The following MTMR14 variants were observed in gnomAD, a reference collection of about 807,000 sequenced individuals.
The protein encoded by MTMR14 is phosphatidylinositol-3,5-bisphosphate 3-phosphatase MTMR14.
In MTMR14, 48 loss-of-function variants were observed where a neutral mutation model predicts 86.3. That is an observed-to-expected ratio of 0.56 (90% CI 0.44 to 0.71). The LOEUF (loss-of-function observed/expected upper bound fraction) is 0.71. MTMR14 is among the 30% of genes least tolerant of loss of function. The pLI, the probability that MTMR14 is intolerant of heterozygous loss-of-function variation, is 0.00. For missense variants in MTMR14, 780 were observed against 834.6 expected (o/e 0.93, Z 0.81); for synonymous variants, 366 against 326.1 (o/e 1.12, Z -1.32).
intron 17 of MTMR14, among the ~76,000 whole-genome samples, chr3:9,690,667 T>C (rs993917421): frequency 4.6e-5 from 7 of 152,206 alleles, no homozygotes; most frequent in Admixed American, 1.3e-4. Flanking sequence ...GCTGCAGGAA[T>C]GGTGCCTCCT....
chr3:9,672,776 A>C lies in MTMR14; in HGVS notation c.751+18A>C. The C allele has an allele frequency of 6.2e-7, 1 of 1,612,622 alleles. No individual in the cohort carries two copies. ...GTATCCAGGTAGGGGGCTCTCTTCT[A>C]GTGGCAGGCATCCTAGGACTGGGGA... On this transcript the variant is annotated intron_variant, in intron 7 of 18. Transcript: ENST00000296003.
At chr3:9,674,802 A>C (rs561374511) in intron 7 of MTMR14, among the ~76,000 whole-genome samples, 1 of 151,694 alleles carries the variant, frequency 6.6e-6, no homozygotes, top group East Asian at 2.0e-4. Flanking sequence ...CTTTCCCCAA[A>C]GCTTTTTTTG....
intron 17 of MTMR14, among the ~76,000 whole-genome samples, chr3:9,693,954 TGCCTCCTGCATGTTA>T (rs1373182931): frequency 2.0e-5 from 3 of 152,232 alleles, no homozygotes; most frequent in Non-Finnish European, 4.4e-5. Context: ...TTGTTCCCAT[TGCCTCCTGCATGTTA>T]GCTTTGTTCT....
chr3:9,669,288 A>T (rs1490629621), intron 4 of MTMR14, 144 bp from the exon 5 acceptor site: 12 of 688,526 alleles, frequency 1.7e-5, no homozygotes, highest in Non-Finnish European at 2.9e-5. Context: ...TACCAGGCAT[A>T]TGGGGGCATA....
chr3:9,700,528 CT>C (rs141847997), intron 18 of MTMR14: 8,725 of 152,180 alleles, frequency 0.057, 340 homozygotes, highest in South Asian at 0.12. Flanking sequence ...CCCTTCTTGA[CT>C]TGTAATTTCA....
intron 13 of MTMR14, 131 bp downstream of exon 13, chr3:9,685,378 CT>C: frequency 8.8e-7 from 1 of 1,133,826 alleles, no homozygotes. Context: ...CCCCTGTCAT[CT>C]CCTCCTGAGG....
rs1384344180 is a variant in MTMR14, at chr3:9,701,432, G to A, written c.1770-358G>A. 1 of 332,622 alleles carries A rather than the reference G, an allele frequency of 3.0e-6. No individual in the cohort carries two copies. Among genetic ancestry groups the A allele is most frequent in the Non-Finnish European group, 5.8e-6 (1 of 172,972 alleles). 20.6% of individuals were successfully genotyped at this position (332,622 alleles called of 1,614,324 possible). On this transcript the variant is annotated intron_variant, in intron 18 of 18. Transcript: ENST00000296003. The surrounding 1 kb of genome is among the most constrained non-coding windows in gnomAD (Gnocchi z 4.2). ...GTGCCTGTAGTCCCAGCTACTTGAG[G>A]GGCTGAGGTGGGAGGATGGCTTGAG...
At position 9,684,492 on chromosome 3, in the gene MTMR14, G is replaced by C. The variant is rs1176367770; in HGVS notation, c.965-93G>C. ...GGAAGACAGAAGCTGGTGGGGCCTG[G>C]CTCCCTCCACCAGGCCAAGCTGGTG... On this transcript the variant is annotated intron_variant, in intron 10 of 18. Transcript: ENST00000296003. 1.6e-5 allele frequency: 20 copies of C among 1,212,304 alleles called. No homozygotes were observed. The East Asian group carries it at 3.9e-4, about 24-fold the overall frequency. 75.1% of individuals were successfully genotyped at this position (1,212,304 alleles called of 1,614,324 possible).
intron 17 of MTMR14, among the ~76,000 whole-genome samples, chr3:9,691,984 G>A (rs1466246606): frequency 1.3e-5 from 2 of 152,144 alleles, no homozygotes; most frequent in Non-Finnish European, 2.9e-5. Flanking sequence ...TTGGTCAGAG[G>A]TTTTGAAAGT....
intron 9 of MTMR14, among the ~76,000 whole-genome samples, chr3:9,681,316 C>T (rs1167463598): frequency 6.6e-6 from 1 of 152,168 alleles, no homozygotes; most frequent in Non-Finnish European, 1.5e-5. Context: ...GGCTGCTGTC[C>T]CTCAGGCACT....
intron 9 of MTMR14, among the ~76,000 whole-genome samples, chr3:9,680,917 T>C (rs1353981974): frequency 6.6e-6 from 1 of 152,254 alleles, no homozygotes; most frequent in African/African-American, 2.4e-5. Context: ...CAGAAACACG[T>C]GTCTCCTTTC....
chr3:9,699,338 C>T (rs2076383383), intron 18 of MTMR14: 1 of 152,186 alleles, frequency 6.6e-6, no homozygotes, highest in South Asian at 2.1e-4. Flanking sequence ...ATCACCCACC[C>T]TAGAACCTAC....
intron 2 of MTMR14, among the ~76,000 whole-genome samples, chr3:9,660,472 G>A (rs1174843941): frequency 6.6e-6 from 1 of 151,968 alleles, no homozygotes; most frequent in Admixed American, 6.6e-5. Context: ...TGTTGGCCAG[G>A]CTGGTTTTGA....
At chr3:9,650,298 C>T (rs1354050106) in intron 1 of MTMR14, 3 of 456,658 alleles carry the variant, frequency 6.6e-6, no homozygotes, top group Admixed American at 2.3e-5. Flanking sequence ...CTCCGTTCCT[C>T]TTTTTGCTCC....
rs146080870 is a variant in MTMR14, at chr3:9,672,627, T to C, written c.678-58T>C. On this transcript the variant is annotated intron_variant, in intron 6 of 18. Transcript: ENST00000296003. ...GTGATTATAACCCTTATTTGGGGAATGGTGTGTGTTTGTGTGTGTGTTGCG... is the reference window on the plus strand; with the variant it reads ...GTGATTATAACCCTTATTTGGGGAACGGTGTGTGTTTGTGTGTGTGTTGCG... The C allele has an allele frequency of 2.2e-4, 304 of 1,380,980 alleles. 1 individual carries two copies. In the East Asian group the frequency reaches 6.4e-3, roughly 29 times the overall value. 85.5% of individuals were successfully genotyped at this position (1,380,980 alleles called of 1,614,324 possible).
intron 1 of MTMR14, among the ~76,000 whole-genome samples, chr3:9,652,510 T>C (rs571018077): frequency 4.7e-4 from 71 of 151,704 alleles, no homozygotes; most frequent in Non-Finnish European, 7.7e-4. Context: ...CCTAGCACTT[T>C]GGGAGGCCAA....
At chr3:9,656,420 C>T (rs904732265) in intron 2 of MTMR14, among the ~76,000 whole-genome samples, 2 of 145,488 alleles carry the variant, frequency 1.4e-5, no homozygotes, top group East Asian at 1.9e-4. Flanking sequence ...ATTAGGTAAG[C>T]TTAGTTTCTT....
At chr3:9,653,480 T>C in intron 1 of MTMR14, 141 bp from the exon 2 acceptor site, 1 of 1,031,608 alleles carries the variant, frequency 9.7e-7, no homozygotes, top group Non-Finnish European at 1.5e-6. Flanking sequence ...ACCTGTGGCC[T>C]AGCATCACAT....
intron 10 of MTMR14, among the ~76,000 whole-genome samples, chr3:9,684,247 C>A (rs2075862904): frequency 6.6e-6 from 1 of 152,048 alleles, no homozygotes; most frequent in Non-Finnish European, 1.5e-5. Context: ...ACTCCCGCTA[C>A]CCCCCAAAAA....
Sources: allele counts gnomAD v4.1 joint callset (sites outside exome capture counted in the v4.1 genomes callset), GRCh38; gene constraint gnomAD v4.1.1; non-coding constraint Gnocchi (gnomAD v3.1); transcripts MANE v1.5; gene names NCBI Gene and HGNC (gene_info 2026-07-23, HGNC 2026-07-21).